The following DIAPH3 variants were observed in gnomAD, a reference collection of about 807,000 sequenced individuals.
The protein encoded by DIAPH3 is diaphanous related formin 3.
A neutral mutation model predicts 144.3 loss-of-function variants in DIAPH3; 117 were observed. The observed-to-expected ratio is 0.81, with a 90% CI of 0.70 to 0.95. DIAPH3 has a LOEUF of 0.95. Ranked by LOEUF, DIAPH3 falls within the 40% of genes least tolerant of loss-of-function variation. The probability of loss-of-function intolerance (pLI) is 0.00; values close to 1 mark genes in which losing one functional copy is unlikely to be tolerated. For missense variants in DIAPH3, 1,421 were observed against 1,412.7 expected (o/e 1.01, Z -0.09); for synonymous variants, 519 against 488.9 (o/e 1.06, Z -0.81).
intron 20 of DIAPH3, among the ~76,000 whole-genome samples, chr13:59,882,026 A>T (rs559980269): frequency 5.3e-4 from 81 of 152,314 alleles, no homozygotes; most frequent in Non-Finnish European, 1.0e-3. Flanking sequence ...ATTTAACAAC[A>T]AAATATCATT....
At chr13:60,040,851 G>A (rs974236815) in intron 5 of DIAPH3, among the ~76,000 whole-genome samples, 2 of 151,382 alleles carry the variant, frequency 1.3e-5, no homozygotes, top group South Asian at 2.1e-4. Flanking sequence ...TTTCGCTCTC[G>A]CACTCAAGCT....
chr13:59,709,021 T>A (rs956675252), intron 27 of DIAPH3, among the ~76,000 whole-genome samples: 3 of 152,110 alleles, frequency 2.0e-5, no homozygotes, highest in African/African-American at 7.2e-5. Flanking sequence ...TAGAGATAAC[T>A]ACTTTCAGAC....
At chr13:59,896,370 C>A (rs2046098820) in intron 20 of DIAPH3, among the ~76,000 whole-genome samples, 1 of 152,112 alleles carries the variant, frequency 6.6e-6, no homozygotes, top group South Asian at 2.1e-4. Flanking sequence ...CCAAAATTCA[C>A]CTCTCTCCCC....
intron 2 of DIAPH3, among the ~76,000 whole-genome samples, chr13:60,115,275 G>T (rs528146056): frequency 6.6e-6 from 1 of 152,154 alleles, no homozygotes; most frequent in South Asian, 2.1e-4. Context: ...CTGATTCTTG[G>T]GATCACTTCA....
intron 4 of DIAPH3, among the ~76,000 whole-genome samples, chr13:60,053,034 T>C (rs184242848): frequency 8.3e-6 from 1 of 121,196 alleles, no homozygotes; most frequent in East Asian, 2.3e-4. Flanking sequence ...ATTAAAGAAA[T>C]AGGAAATAGA....
intron 3 of DIAPH3, among the ~76,000 whole-genome samples, chr13:60,095,688 T>C (rs746935767): frequency 6.6e-6 from 1 of 152,086 alleles, no homozygotes; most frequent in Non-Finnish European, 1.5e-5. Flanking sequence ...CTAGAAAACA[T>C]GTTCTGCCAG....
chr13:60,046,594 C>G (rs2056078509), intron 4 of DIAPH3, among the ~76,000 whole-genome samples: 1 of 152,094 alleles, frequency 6.6e-6, no homozygotes, highest in East Asian at 1.9e-4. Context: ...ACTAGAAATA[C>G]CATTTGACCG....
chr13:59,825,194 T>A (rs922587023), intron 24 of DIAPH3, among the ~76,000 whole-genome samples: 1 of 151,284 alleles, frequency 6.6e-6, no homozygotes, highest in East Asian at 2.0e-4. Context: ...CCTCTCCCCC[T>A]ACCCCACAAC....
rs141654168 is a variant in DIAPH3 at position 60,058,639 on chromosome 13, T to C, written c.496-15819A>G. The stretch of plus-strand genomic sequence containing the variant: ...AACTGCCCACCAACTGGTGAGTGGA[T>C]AAAGAAAATGTGGTGTGTTGGTGTG... On this transcript the variant is annotated intron_variant, in intron 4 of 27. Transcript: ENST00000400324. Among the ~76,000 whole-genome samples the C allele has an allele frequency of 2.0e-3, 311 of 152,030 alleles. 1 individual carries two copies. The highest frequency in any genetic ancestry group is 3.0e-3 in the Non-Finnish European group (202 of 67,906).
At chr13:59,757,648 C>G (rs1297643401) in intron 27 of DIAPH3, among the ~76,000 whole-genome samples, 1 of 152,064 alleles carries the variant, frequency 6.6e-6, no homozygotes, top group Non-Finnish European at 1.5e-5. Flanking sequence ...GATCCGCCCA[C>G]CTCGGCCTCC....
chr13:59,815,382 T>C (rs1237881114), intron 24 of DIAPH3, among the ~76,000 whole-genome samples: 1 of 152,194 alleles, frequency 6.6e-6, no homozygotes, highest in African/African-American at 2.4e-5. Context: ...TTAAGTTTCA[T>C]TGAAAAGGAC....
At chr13:60,015,349 T>C (rs1273387761) in intron 7 of DIAPH3, among the ~76,000 whole-genome samples, 1 of 152,176 alleles carries the variant, frequency 6.6e-6, no homozygotes, top group Non-Finnish European at 1.5e-5. Flanking sequence ...ATTACGTTTA[T>C]TCTCAATATT....
At chr13:59,913,694 C>G (rs2047097923) in intron 19 of DIAPH3, among the ~76,000 whole-genome samples, 1 of 152,176 alleles carries the variant, frequency 6.6e-6, no homozygotes, top group Non-Finnish European at 1.5e-5. Flanking sequence ...CATGGTGGCT[C>G]ACGCCTTTAA....
At chr13:60,084,003 T>TAGATAGAC (rs1555371877) in intron 4 of DIAPH3, among the ~76,000 whole-genome samples, 2 of 129,952 alleles carry the variant, frequency 1.5e-5, no homozygotes, top group Non-Finnish European at 3.4e-5. Context: ...GATAGATAGA[T>TAGATAGAC]AGACAGATAG....
In DIAPH3 at chr13:59,729,808, A is replaced by ATT. The variant is rs202135165; in HGVS notation, c.3319+44380_3319+44381insAA. Among the ~76,000 whole-genome samples the ATT allele has an allele frequency of 1.4e-3, 159 of 115,204 alleles. 12 individuals carry two copies. Among genetic ancestry groups the ATT allele is most frequent in the African/African-American group, 3.6e-3 (103 of 28,474 alleles). The allele number at this position is 115,204 out of a possible 152,430, so 75.6% of individuals were successfully genotyped here. ...TTTGTGACTTCCGGTGAATACATTAATATTTTTTTTTTTTTTTTTTTGAGA... is the reference window on the plus strand; with the variant it reads ...TTTGTGACTTCCGGTGAATACATTAATTTATTTTTTTTTTTTTTTTTTTGAGA... On this transcript the variant is annotated intron_variant, in intron 27 of 27. Coordinates refer to ENST00000400324, the MANE Select transcript of DIAPH3 (RefSeq NM_001042517.2).
At chr13:59,774,690 C>G (rs920183360) in intron 26 of DIAPH3, 38 bp downstream of exon 26, 1 of 1,557,108 alleles carries the variant, frequency 6.4e-7, no homozygotes, top group Non-Finnish European at 8.9e-7. Context: ...TCTGTGATAG[C>G]TCCCTAGAAA....
At chr13:59,987,542 G>A (rs2140772913) in intron 12 of DIAPH3, among the ~76,000 whole-genome samples, 2 of 144,054 alleles carry the variant, frequency 1.4e-5, no homozygotes, top group South Asian at 4.4e-4. Flanking sequence ...GAGATTAGTT[G>A]AGCATGAGTA....
At chr13:59,839,237 C>A (rs1425417315) in intron 23 of DIAPH3, 87 bp downstream of exon 23, 52 of 1,540,214 alleles carry the variant, frequency 3.4e-5, no homozygotes, top group Non-Finnish European at 4.4e-5. Flanking sequence ...AGAATGATCT[C>A]TGGTTACACA....
Position 59,672,463 on chromosome 13 carries a change from T to C in DIAPH3, c.3320-5617A>G, listed in dbSNP as rs921699337. 2.8e-4 allele frequency among the ~76,000 whole-genome samples: 43 copies of C among 152,240 alleles called. 1 individual carries two copies. ...TCTCTCCTCGCAATTCTTTACCTTT[T>C]GTTTTTAACTATTACTTTGACCTAC... On this transcript the variant is annotated intron_variant, in intron 27 of 27. Transcript: ENST00000400324.
Sources: allele counts gnomAD v4.1 joint callset (sites outside exome capture counted in the v4.1 genomes callset), GRCh38; gene constraint gnomAD v4.1.1; transcripts MANE v1.5; gene names NCBI Gene and HGNC (gene_info 2026-07-23, HGNC 2026-07-21).